The following NUP107 variants were observed in gnomAD, a reference collection of about 807,000 sequenced individuals.
The protein encoded by NUP107 is nucleoporin 107, also known as nuclear pore complex protein Nup107.
Under a neutral mutation model 141.0 loss-of-function variants are expected in NUP107, and 101 were observed. The observed-to-expected ratio is 0.72, with a 90% CI of 0.61 to 0.84. The LOEUF is 0.84. NUP107 is among the 40% of genes least tolerant of loss of function. NUP107 has a pLI of 0.00. For missense variants in NUP107, 941 were observed against 1,102.7 expected (o/e 0.85, Z 2.08); for synonymous variants, 319 against 363.9 (o/e 0.88, Z 1.41).
chr12:68,690,594 G>T lies in NUP107; in HGVS notation c.188-37G>T, dbSNP rs200680505. The T allele has an allele frequency of 1.3e-4, 215 of 1,613,196 alleles. 3 individuals carry two copies. The East Asian group carries it at 3.5e-3, about 26-fold the overall frequency. ...CTTTGTTTTGATAATGAATGCTCAC[G>T]CACTTTAGGTTCTTTCTACCAACCT... On this transcript the variant is annotated intron_variant, in intron 3 of 27. Transcript: ENST00000229179.
In NUP107 at chr12:68,715,673, A is replaced by G; in HGVS notation, c.1016A>G (p.Asp339Gly). Residue 339 changes from aspartate (D) to glycine (G), a missense_variant, in exon 12 of 28, where the codon GAT (aspartate) becomes GGT (glycine). By Grantham distance (94) the Asp-to-Gly change is moderately conservative. Transcript: ENST00000229179. ...CAGAAAATGCCCCTTGATGATCTGG[A>G]TAGAGAAGATGAAGTTAGATTACTC... is the stretch of plus-strand genomic sequence containing the variant. ...IRQKMPLDDL[D>G]REDEVRLLKY... The G allele has an allele frequency of 6.2e-7, 1 of 1,613,402 alleles. No homozygotes were observed. Among genetic ancestry groups the G allele is most frequent in the Non-Finnish European group, 8.5e-7 (1 of 1,179,474 alleles).
chr12:68,692,153 T>C, intron 5 of NUP107, 41 bp downstream of exon 5: 1 of 1,528,692 alleles, frequency 6.5e-7, no homozygotes. Flanking sequence ...GCTTTTCACT[T>C]TAGCAAGATG....
intron 23 of NUP107, among the ~76,000 whole-genome samples, chr12:68,733,002 C>T (rs527355260): frequency 6.6e-6 from 1 of 152,122 alleles, no homozygotes; most frequent in African/African-American, 2.4e-5. Context: ...TTTTTTAAAA[C>T]GTTTTTGTTC....
intron 1 of NUP107, among the ~76,000 whole-genome samples, chr12:68,688,254 A>G (rs935666885): frequency 6.6e-6 from 1 of 152,020 alleles, no homozygotes. Context: ...TGTTTCCCAT[A>G]CTTTCCTGCT....
At chr12:68,728,658 C>G (rs192826492) in intron 20 of NUP107, among the ~76,000 whole-genome samples, 23 of 150,972 alleles carry the variant, frequency 1.5e-4, no homozygotes, top group East Asian at 2.0e-4. Flanking sequence ...GATCCACCCC[C>G]CTCAGTCTCC....
At chr12:68,706,006 C>A in intron 8 of NUP107, 1 of 884,952 alleles carries the variant, frequency 1.1e-6, no homozygotes, top group Non-Finnish European at 1.9e-6. Flanking sequence ...CAAGTGGAGG[C>A]CCCTGCAGCG....
At chr12:68,722,273 A>C (rs1877387301) in intron 17 of NUP107, 121 bp downstream of exon 17, 2 of 754,946 alleles carry the variant, frequency 2.6e-6, no homozygotes, top group Non-Finnish European at 4.1e-6. Context: ...TTAAAATAAG[A>C]ATCATTCTTT....
At chr12:68,740,716 TTTCC>T (rs1878287011) in intron 26 of NUP107, among the ~76,000 whole-genome samples, 1 of 152,108 alleles carries the variant, frequency 6.6e-6, no homozygotes, top group Non-Finnish European at 1.5e-5. Flanking sequence ...GTGCTATTGA[TTTCC>T]TTCCTATTTT....
rs11177351 is a variant in NUP107 at position 68,744,175 on chromosome 12, C to T, written c.*1713C>T. ...GAATATTGTATGCTTCCATCGTAAC[C>T]GTATGTGGGTAAATGGACAAGGTCT... On this transcript the variant is annotated 3_prime_UTR_variant, in exon 28 of 28. Transcript: ENST00000229179. 0.22 allele frequency: 33,099 copies of T among 152,002 alleles called. 4,221 individuals carry two copies. The highest frequency in any genetic ancestry group is 0.3 in the Middle Eastern group (88 of 294). 9.4% of individuals were successfully genotyped at this position (152,002 alleles called of 1,614,324 possible). A position where few individuals can be genotyped will look rare whatever the true frequency, so the allele number is the denominator to read the frequency against.
At position 68,734,664 on chromosome 12, in the gene NUP107, A is replaced by G. The variant is rs768638582; in HGVS notation, c.2263-44A>G. The G allele has an allele frequency of 3.5e-6, 5 of 1,412,906 alleles. No homozygotes were observed. The South Asian group carries it at 4.4e-5, about 12-fold the overall frequency. 87.5% of individuals were successfully genotyped at this position (1,412,906 alleles called of 1,614,324 possible). On this transcript the variant is annotated intron_variant, in intron 24 of 27. Transcript: ENST00000229179. ...TGTTGGTGAAACGATAAAAGTGAAA[A>G]CTTTTGTTATTTTATATTTTGGTTT...
chr12:68,735,434 C>A, intron 26 of NUP107, 90 bp downstream of exon 26: 1 of 870,968 alleles, frequency 1.1e-6, no homozygotes, highest in Non-Finnish European at 1.9e-6. Context: ...GGAGCATCTA[C>A]AGATTTTACA....
intron 26 of NUP107, 57 bp downstream of exon 26, chr12:68,735,401 TA>T (rs975117331): frequency 6.7e-6 from 8 of 1,198,728 alleles, no homozygotes; most frequent in Non-Finnish European, 1.0e-5. Context: ...TGTTCTTTTT[TA>T]AAAATATTCT....
In NUP107 at chr12:68,743,769, A is replaced by C. The variant is rs900480591; in HGVS notation, c.*1307A>C. The C allele has an allele frequency of 6.6e-6, 1 of 152,208 alleles. No individual in the cohort carries two copies. Among genetic ancestry groups the C allele is most frequent in the African/African-American group, 2.4e-5 (1 of 41,454 alleles). 9.4% of individuals were successfully genotyped at this position (152,208 alleles called of 1,614,324 possible). A position where few individuals can be genotyped will look rare whatever the true frequency, so the allele number is the denominator to read the frequency against. On this transcript the variant is annotated 3_prime_UTR_variant, in exon 28 of 28. Coordinates refer to ENST00000229179, the MANE Select transcript of NUP107 (RefSeq NM_020401.4). ...ACCCCTAGAGACAGCTGGCTTGGGA[A>C]GCCTGAGATGGGATCATAGAATTTG...
At chr12:68,702,143 C>T (rs756314854) in intron 7 of NUP107, among the ~76,000 whole-genome samples, 1 of 152,314 alleles carries the variant, frequency 6.6e-6, no homozygotes, top group Non-Finnish European at 1.5e-5. Context: ...CGCATGCCAA[C>T]ACGCTTGGCT....
intron 20 of NUP107, among the ~76,000 whole-genome samples, chr12:68,728,266 T>G (rs1592517395): frequency 7.8e-6 from 1 of 127,550 alleles, no homozygotes. Flanking sequence ...TCCAGCTGGG[T>G]GACAGAGTGA....
chr12:68,736,217 G>T (rs1311665625), intron 26 of NUP107, among the ~76,000 whole-genome samples: 6 of 151,972 alleles, frequency 3.9e-5, no homozygotes, highest in African/African-American at 1.4e-4. Flanking sequence ...AGTGTTCTTG[G>T]TATCTTTCCT....
intron 26 of NUP107, among the ~76,000 whole-genome samples, chr12:68,740,872 T>C (rs1878291962): frequency 6.6e-6 from 1 of 151,778 alleles, no homozygotes; most frequent in African/African-American, 2.4e-5. Context: ...AATAATAAAA[T>C]TATTTTTTTT....
chr12:68,731,156 G>A lies in NUP107; in HGVS notation c.1781G>A (p.Cys594Tyr), dbSNP rs1877805683. 6.2e-7 allele frequency: 1 copy of A among 1,609,394 alleles called. No individual in the cohort carries two copies. The highest frequency in any genetic ancestry group is 1.1e-5 in the South Asian group (1 of 90,130). ...ACAAATCTTATAGCATTTTATACCT[G>A]TCATTTGCCTCAAGACCTAGCTGTT... ...KHTNLIAFYT[C>Y]HLPQDLAVAQ... The change falls in exon 21 of 28, where the codon TGT (cysteine) becomes TAT (tyrosine). Residue 594 changes from cysteine (C) to tyrosine (Y), a missense_variant. Physicochemically the swap from Cys to Tyr is radical, Grantham distance 194 (BLOSUM62 -2). Transcript: ENST00000229179.
intron 8 of NUP107, among the ~76,000 whole-genome samples, chr12:68,704,900 G>A (rs541070970): frequency 3.6e-4 from 55 of 150,862 alleles, no homozygotes; most frequent in African/African-American, 1.1e-3. Context: ...CCAGCACGGC[G>A]GGGACATGGT....
Sources: allele counts gnomAD v4.1 joint callset (sites outside exome capture counted in the v4.1 genomes callset), GRCh38; gene constraint gnomAD v4.1.1; transcripts MANE v1.5; gene names NCBI Gene and HGNC (gene_info 2026-07-23, HGNC 2026-07-21).